Variants in ZNF527 observed in about 807,000 individuals in gnomAD.
The protein encoded by ZNF527 is zinc finger protein 527.
In ZNF527, 5 loss-of-function variants were observed where a neutral mutation model predicts 13.5. That is an observed-to-expected ratio of 0.37 (90% confidence interval 0.19 to 0.78). The LOEUF is 0.78. Ranked by LOEUF, ZNF527 falls within the 30% of genes least tolerant of loss-of-function variation. The pLI, the probability that ZNF527 is intolerant of heterozygous loss-of-function variation, is 0.48. For synonymous variants in ZNF527, 209 were observed against 243.1 expected (o/e 0.86, Z 1.30); for missense variants, 628 against 726.4 (o/e 0.86, Z 1.56).
intron 4 of ZNF527, among the ~76,000 whole-genome samples, chr19:37,384,663 T>C (rs1483822329): frequency 6.6e-6 from 1 of 152,230 alleles, no homozygotes; most frequent in Non-Finnish European, 1.5e-5. Flanking sequence ...CTTCCTCTCT[T>C]GATATTCTTC....
At position 37,380,304 on chromosome 19, in the gene ZNF527, TCTC is replaced by T; in HGVS notation, c.191_193del (p.Ser64del). On this transcript the variant is annotated inframe_deletion, in exon 4 of 5. Transcript: ENST00000436120. ...CTCTCCATTTCTAAGCCCAACATGATCTCCTTACTGGAGCAAGGGAAGGAACCG... is the reference window on the plus strand; with the variant it reads ...CTCTCCATTTCTAAGCCCAACATGATCTTACTGGAGCAAGGGAAGGAACCG... The T allele has an allele frequency of 6.2e-7, 1 of 1,614,038 alleles. No individual in the cohort carries two copies. Among genetic ancestry groups the T allele is most frequent in the Non-Finnish European group, 8.5e-7 (1 of 1,179,958 alleles).
intron 2 of ZNF527, among the ~76,000 whole-genome samples, chr19:37,377,433 T>C (rs1441454982): frequency 6.6e-6 from 1 of 151,916 alleles, no homozygotes; most frequent in Non-Finnish European, 1.5e-5. Flanking sequence ...AGTTATGAAA[T>C]AGTTATCAGG....
chr19:37,372,525 T>C (rs554786339), intron 1 of ZNF527, among the ~76,000 whole-genome samples: 141 of 137,384 alleles, frequency 1.0e-3, no homozygotes, highest in African/African-American at 3.7e-3. Flanking sequence ...TAGGCTAGAG[T>C]GCAGTGGTGC....
Position 37,389,534 on chromosome 19 carries a change from G to A in ZNF527, c.1485G>A (p.Glu495=). The change falls in exon 5 of 5, where the codon GAG becomes GAA. Residue 495 remains glutamate, a synonymous_variant. Transcript: ENST00000436120. ...LNRHHRIHTG[E]RPFECSKCGK... is the part of the protein sequence containing the mutation. ...GACATCATAGAATTCACACTGGAGA[G>A]AGACCATTTGAATGCAGTAAATGTG... 6.2e-7 allele frequency: 1 copy of A among 1,614,192 alleles called. No homozygotes were observed. The highest frequency in any genetic ancestry group is 1.1e-5 in the South Asian group (1 of 91,084).
At chr19:37,377,967 T>A (rs533544119) in intron 2 of ZNF527, among the ~76,000 whole-genome samples, 4 of 152,132 alleles carry the variant, frequency 2.6e-5, no homozygotes, top group Admixed American at 2.6e-4. Flanking sequence ...TGTAAATTTT[T>A]CCCTAGACAC....
rs1463476120 is a variant in ZNF527 at position 37,385,083 on chromosome 19, C to T, written c.257-3223C>T. The stretch of plus-strand genomic sequence containing the variant: ...TCAAGCGATCCTCCCATCTTGGCAT[C>T]CCAAACTGTTGGGATTACTGGCATA... On this transcript the variant is annotated intron_variant, in intron 4 of 4. Transcript: ENST00000436120. 5 of 517,482 alleles carry T rather than the reference C, an allele frequency of 9.7e-6. No individual in the cohort carries two copies. In the Admixed American group the frequency reaches 1.5e-4, roughly 15 times the overall value. 32.1% of individuals were successfully genotyped at this position (517,482 alleles called of 1,614,324 possible).
intron 4 of ZNF527, among the ~76,000 whole-genome samples, chr19:37,387,280 A>G (rs571471171): frequency 6.6e-6 from 1 of 152,350 alleles, no homozygotes; most frequent in African/African-American, 2.4e-5. Flanking sequence ...AATCCTGATT[A>G]TAGCCTTGAA....
At chr19:37,379,455 A>AATTT in intron 3 of ZNF527, 1 of 337,856 alleles carries the variant, frequency 3.0e-6, no homozygotes, top group African/African-American at 2.2e-5. Context: ...CACATGAAGT[A>AATTT]ATTTCTTTTT....
rs1198416568 is a variant in ZNF527 at position 37,386,138 on chromosome 19, TCC to T, written c.257-2167_257-2166del. 4.0e-3 allele frequency among the ~76,000 whole-genome samples: 528 copies of T among 132,150 alleles called. 4 individuals are homozygous for T. The highest frequency in any genetic ancestry group is 0.027 in the East Asian group (125 of 4,552). 86.7% of individuals were successfully genotyped at this position (132,150 alleles called of 152,430 possible). ...AGTAGAACTTTCTTTTCTCTTCTTT[TCC>T]TTTTTTTTTTTTTTTTTTTTTTGAG... On this transcript the variant is annotated intron_variant, in intron 4 of 4. Transcript: ENST00000436120.
chr19:37,376,349 C>A (rs1329322494), intron 2 of ZNF527, among the ~76,000 whole-genome samples: 3 of 151,370 alleles, frequency 2.0e-5, no homozygotes, highest in Non-Finnish European at 4.4e-5. Context: ...CAGAGTGAGA[C>A]CCTGTCTTAA....
chr19:37,379,682 C>T lies in ZNF527; in HGVS notation c.160+436C>T, dbSNP rs187801265. ...TTCTCCATGTTGGCCAAGCTGGTCTCGAACTCCTGACCTCAGATGATCCAC... is the reference window on the plus strand; with the variant it reads ...TTCTCCATGTTGGCCAAGCTGGTCTTGAACTCCTGACCTCAGATGATCCAC... On this transcript the variant is annotated intron_variant, in intron 3 of 4. Transcript: ENST00000436120. 915 of 154,834 alleles carry T rather than the reference C, an allele frequency of 5.9e-3. 5 individuals carry two copies. The highest frequency in any genetic ancestry group is 9.5e-3 in the Non-Finnish European group (665 of 69,750). The allele number at this position is 154,834 out of a possible 1,614,324, so 9.6% of individuals were successfully genotyped here.
chr19:37,374,766 G>T (rs999969339), intron 2 of ZNF527, among the ~76,000 whole-genome samples: 4 of 152,326 alleles, frequency 2.6e-5, no homozygotes, highest in Admixed American at 1.3e-4. Flanking sequence ...TTCAAGTCAT[G>T]ATCTGAACTT....
chr19:37,372,630 G>A lies in ZNF527; in HGVS notation c.-42+1404G>A, dbSNP rs558743669. On this transcript the variant is annotated intron_variant, in intron 1 of 4. Coordinates refer to ENST00000436120, the MANE Select transcript of ZNF527 (RefSeq NM_032453.2). ...TGGGACTACAGACACATGCCACCAC[G>A]CCCAACTAATTCTTGTACTTTTTGA... Among the ~76,000 whole-genome samples the A allele has an allele frequency of 1.3e-4, 20 of 151,568 alleles. No individual in the cohort carries two copies. In the East Asian group the frequency reaches 3.5e-3, roughly 27 times the overall value.
chr19:37,387,734 T>C (rs2040712042), intron 4 of ZNF527, among the ~76,000 whole-genome samples: 1 of 152,230 alleles, frequency 6.6e-6, no homozygotes, highest in South Asian at 2.1e-4. Flanking sequence ...AGAAAAAATA[T>C]ATATAAATTT....
At chr19:37,382,274 T>C (rs1357392034) in intron 4 of ZNF527, among the ~76,000 whole-genome samples, 2 of 133,648 alleles carry the variant, frequency 1.5e-5, no homozygotes, top group Non-Finnish European at 3.2e-5. Flanking sequence ...AGGAAACAGA[T>C]AGATAGATAG....
At chr19:37,381,456 G>A (rs1257911655) in intron 4 of ZNF527, among the ~76,000 whole-genome samples, 2 of 152,126 alleles carry the variant, frequency 1.3e-5, no homozygotes, top group African/African-American at 2.4e-5. Flanking sequence ...ATTAGATTGA[G>A]GTAGTGCATT....
Position 37,391,839 on chromosome 19 carries a change from CTG to C in ZNF527, c.*1961_*1962del, listed in dbSNP as rs1486559969. 6.6e-6 allele frequency: 1 copy of C among 152,066 alleles called. No individual in the cohort carries two copies. Among genetic ancestry groups the C allele is most frequent in the Non-Finnish European group, 1.5e-5 (1 of 68,020 alleles). The allele number at this position is 152,066 out of a possible 1,614,324, so 9.4% of individuals were successfully genotyped here. On this transcript the variant is annotated 3_prime_UTR_variant, in exon 5 of 5. Coordinates refer to ENST00000436120, the MANE Select transcript of ZNF527 (RefSeq NM_032453.2). ...ATCTGAGTGGATATAGGGAAATAAA[CTG>C]GTGATATGGCAGCTGGGCCATCTTG...
At chr19:37,386,283 A>G (rs1277281606) in intron 4 of ZNF527, among the ~76,000 whole-genome samples, 1 of 151,168 alleles carries the variant, frequency 6.6e-6, no homozygotes, top group Non-Finnish European at 1.5e-5. Flanking sequence ...CTGGGATTAT[A>G]GATGTGAGCC....
intron 3 of ZNF527, chr19:37,379,919 C>T (rs1217699156): frequency 1.1e-5 from 2 of 176,882 alleles, no homozygotes; most frequent in Middle Eastern, 2.8e-3. Context: ...GGAGTAGGCT[C>T]AGTAGTCTGG....
Sources: allele counts gnomAD v4.1 joint callset (sites outside exome capture counted in the v4.1 genomes callset), GRCh38; gene constraint gnomAD v4.1.1; transcripts MANE v1.5; gene names NCBI Gene and HGNC (gene_info 2026-07-23, HGNC 2026-07-21).